ACOXL: variants seen among roughly 807,000 people sequenced by gnomAD.
The protein encoded by ACOXL is acyl-coenzyme A oxidase-like protein.
ACOXL carries 70 observed loss-of-function variants against 71.9 expected under a neutral mutation model. The ratio of observed to expected loss-of-function variants is 0.97; its 90% CI spans 0.80 to 1.19. The LOEUF (loss-of-function observed/expected upper bound fraction) is 1.19, where lower values mean the gene tolerates loss of function less well. Ranked by LOEUF, ACOXL falls within the 50% of genes most tolerant of loss-of-function variation. The probability of loss-of-function intolerance (pLI) is 0.00; values close to 1 mark genes in which losing one functional copy is unlikely to be tolerated. For synonymous variants in ACOXL, 253 were observed against 281.6 expected (o/e 0.90, Z 1.02); for missense variants, 703 against 736.3 (o/e 0.95, Z 0.52).
intron 17 of ACOXL, among the ~76,000 whole-genome samples, chr2:111,106,018 G>A (rs777102972): frequency 8.6e-4 from 131 of 152,206 alleles, no homozygotes; most frequent in Non-Finnish European, 1.5e-3. Flanking sequence ...TGTTTGGGGT[G>A]GGCTCAGCTT....
At chr2:110,796,920 C>T (rs996118501) in intron 5 of ACOXL, among the ~76,000 whole-genome samples, 1 of 152,228 alleles carries the variant, frequency 6.6e-6, no homozygotes, top group East Asian at 1.9e-4. Flanking sequence ...ACTTTATAGT[C>T]TGAAATCTGA....
chr2:110,829,609 C>T (rs1689582904), intron 9 of ACOXL, among the ~76,000 whole-genome samples: 1 of 152,200 alleles, frequency 6.6e-6, no homozygotes, highest in Non-Finnish European at 1.5e-5. Context: ...CTCTGCGTCA[C>T]AGTGACCACA....
chr2:110,758,850 C>T lies in ACOXL; in HGVS notation c.-22-9518C>T, dbSNP rs187110427. On this transcript the variant is annotated intron_variant, in intron 1 of 17. Transcript: ENST00000439055. Reference sequence around the variant, plus strand: ...TTCCCTCTTAACACTGCTTTACCTGCGTCACAGAGATTCTGGTACATCATT... The same window carrying T: ...TTCCCTCTTAACACTGCTTTACCTGTGTCACAGAGATTCTGGTACATCATT... Among the ~76,000 whole-genome samples, 529 of 152,242 alleles carry T rather than the reference C, an allele frequency of 3.5e-3. 10 individuals are homozygous for T. The highest frequency in any genetic ancestry group is 0.033 in the Admixed American group (500 of 15,292).
At chr2:111,075,833 A>G (rs976780145) in intron 16 of ACOXL, among the ~76,000 whole-genome samples, 7 of 152,118 alleles carry the variant, frequency 4.6e-5, no homozygotes, top group African/African-American at 9.7e-5. Flanking sequence ...ATATAGAATT[A>G]TATATAGAAG....
At chr2:110,798,313 G>A (rs1166569420) in intron 5 of ACOXL, among the ~76,000 whole-genome samples, 147 of 150,612 alleles carry the variant, frequency 9.8e-4, no homozygotes, top group Non-Finnish European at 8.4e-4. Context: ...CTGGAGTGCA[G>A]TGGCGCAATC....
chr2:111,023,851 G>A (rs1271144170), intron 14 of ACOXL, among the ~76,000 whole-genome samples: 3 of 152,132 alleles, frequency 2.0e-5, no homozygotes, highest in African/African-American at 7.2e-5. Flanking sequence ...CCAGACCGAG[G>A]AGGGACACTC....
intron 16 of ACOXL, 30 bp downstream of exon 16, chr2:111,049,318 T>C: frequency 1.3e-6 from 2 of 1,557,102 alleles, no homozygotes; most frequent in Non-Finnish European, 1.8e-6. Flanking sequence ...ACTTATTTCC[T>C]AAAGGCTCAG....
intron 16 of ACOXL, among the ~76,000 whole-genome samples, chr2:111,050,273 A>C (rs1287208215): frequency 2.0e-5 from 3 of 152,116 alleles, no homozygotes; most frequent in Non-Finnish European, 2.9e-5. Context: ...AAAAAAAAAA[A>C]AGCTTTCAGT....
chr2:110,811,730 TACACACACACACACAC>T (rs780039810), intron 9 of ACOXL, among the ~76,000 whole-genome samples: 169 of 101,656 alleles, frequency 1.7e-3, no homozygotes, highest in African/African-American at 2.7e-3. Flanking sequence ...TTTTTTTGCA[TACACACACACACACAC>T]ACACACACAC....
intron 15 of ACOXL, among the ~76,000 whole-genome samples, chr2:111,041,342 C>A (rs1191089235): frequency 6.6e-6 from 1 of 152,138 alleles, no homozygotes; most frequent in African/African-American, 2.4e-5. Context: ...GCTGTCCTAT[C>A]CATTATCTTC....
At chr2:111,034,696 C>T (rs2065426983) in intron 15 of ACOXL, among the ~76,000 whole-genome samples, 1 of 152,152 alleles carries the variant, frequency 6.6e-6, no homozygotes, top group African/African-American at 2.4e-5. Context: ...AGAACGGGTC[C>T]TAAAGATAAG....
intron 12 of ACOXL, among the ~76,000 whole-genome samples, chr2:110,938,907 A>G (rs2060766461): frequency 6.6e-6 from 1 of 152,054 alleles, no homozygotes; most frequent in South Asian, 2.1e-4. Context: ...TGTATTGCCT[A>G]CAGACTACTC....
At chr2:110,952,599 A>G (rs2149413296) in intron 12 of ACOXL, among the ~76,000 whole-genome samples, 2 of 152,184 alleles carry the variant, frequency 1.3e-5, no homozygotes, top group South Asian at 2.1e-4. Flanking sequence ...GGTGTGTGCT[A>G]TCATGCCCAG....
intron 17 of ACOXL, among the ~76,000 whole-genome samples, chr2:111,105,359 T>G (rs2069463638): frequency 6.6e-6 from 1 of 152,154 alleles, no homozygotes; most frequent in African/African-American, 2.4e-5. Flanking sequence ...TGCCTATATT[T>G]ACAACAAATC....
chr2:110,848,609 T>C (rs965831488), intron 10 of ACOXL, among the ~76,000 whole-genome samples: 2 of 151,606 alleles, frequency 1.3e-5, no homozygotes, highest in Non-Finnish European at 2.9e-5. Flanking sequence ...GGTCCAGAGG[T>C]TAATGTAGCA....
chr2:110,967,929 T>C (rs2062003749), intron 12 of ACOXL: 1 of 969,500 alleles, frequency 1.0e-6, no homozygotes, highest in East Asian at 2.4e-5. Context: ...GTTACTATGC[T>C]CGGAAATACT....
At chr2:110,951,782 T>C (rs909151631) in intron 12 of ACOXL, among the ~76,000 whole-genome samples, 1 of 152,234 alleles carries the variant, frequency 6.6e-6, no homozygotes, top group African/African-American at 2.4e-5. Flanking sequence ...TGAATTTACA[T>C]TAACAGATTT....
intron 13 of ACOXL, among the ~76,000 whole-genome samples, chr2:110,988,716 A>G (rs1343190040): frequency 6.6e-6 from 1 of 152,210 alleles, no homozygotes; most frequent in African/African-American, 2.4e-5. Flanking sequence ...TGTCAATACA[A>G]TATAAGAAAT....
intron 16 of ACOXL, among the ~76,000 whole-genome samples, chr2:111,062,405 A>G (rs978240270): frequency 1.3e-5 from 2 of 152,142 alleles, no homozygotes; most frequent in African/African-American, 4.8e-5. Flanking sequence ...TCAACAATTG[A>G]GAGAACAACT....
Sources: gnomAD v4.1 joint callset for allele counts (sites outside exome capture counted in the v4.1 genomes callset) on GRCh38, gnomAD v4.1.1 for gene constraint, MANE v1.5 for transcripts, NCBI Gene and HGNC (gene_info 2026-07-23, HGNC 2026-07-21) for gene names.